NXF3: variants seen among roughly 807,000 people sequenced by gnomAD.
NXF3 encodes TAP-like protein 3.
In NXF3, 34 loss-of-function variants were observed where a neutral mutation model predicts 48.4. The observed-to-expected ratio is 0.70, with a 90% CI of 0.53 to 0.93. The LOEUF (loss-of-function observed/expected upper bound fraction) is 0.93. Ranked by LOEUF, NXF3 falls within the 40% of genes least tolerant of loss-of-function variation. NXF3 has a pLI of 0.00. For missense variants in NXF3, 359 were observed against 406.1 expected (o/e 0.88, Z 1.00); for synonymous variants, 132 against 145.7 (o/e 0.91, Z 0.68).
At chrX:103,088,226 C>T (rs1922199933) in intron 1 of NXF3, 3 of 748,361 alleles carry the variant, frequency 4.0e-6, no homozygotes, top group Admixed American at 3.0e-5. Flanking sequence ...CTTAAACGTG[C>T]TAGGAGTAAA....
chrX:103,079,047 T>C (rs770148018), intron 16 of NXF3, among the ~76,000 whole-genome samples, 174 bp downstream of exon 16: 1 of 111,776 alleles, frequency 8.9e-6, no homozygotes, highest in South Asian at 3.8e-4. Flanking sequence ...CAGACAGGCA[T>C]GGGCCTAGGT....
intron 1 of NXF3, chrX:103,088,536 C>CT: frequency 9.1e-7 from 1 of 1,101,172 alleles, no homozygotes; most frequent in Non-Finnish European, 1.2e-6. Flanking sequence ...ATCTGTGGCT[C>CT]ATCAGGTGAG....
intron 1 of NXF3, chrX:103,089,135 A>C (rs12557039): frequency 1.2e-6 from 1 of 820,489 alleles, no homozygotes; most frequent in East Asian, 3.1e-5. Context: ...AAAAACACTA[A>C]CTAATTCATG....
At position 103,083,475 on chromosome X, in the gene NXF3, A is replaced by C. The variant is rs1185409338; in HGVS notation, c.463T>G (p.Phe155Val). The change falls in exon 5 of 20, where the codon TTC (phenylalanine) becomes GTC (valine). Residue 155 changes from phenylalanine to valine, a missense_variant. By Grantham distance (50) the Phe-to-Val change is conservative. Coordinates refer to ENST00000395065, the MANE Select transcript of NXF3 (RefSeq NM_022052.2). Reference protein sequence around the residue: ...EFHYENMHASFFVENASIAYA... With the variant: ...EFHYENMHASVFVENASIAYA... ...GCGATGCTGGCATTCTCCACAAAGA[A>C]GCTGGCATGCATGTTTTCATAGTGA... The C allele has an allele frequency of 1.7e-6, 2 of 1,210,436 alleles. No individual in the cohort carries two copies. The highest frequency in any genetic ancestry group is 2.2e-6 in the Non-Finnish European group (2 of 894,085).
chrX:103,076,399 CTG>C (rs1241849612), intron 18 of NXF3, 98 bp from the exon 19 acceptor site: 1 of 920,095 alleles, frequency 1.1e-6, no homozygotes, highest in Non-Finnish European at 1.6e-6. Flanking sequence ...AGAAACATGT[CTG>C]TGTTTTCTGG....
chrX:103,087,470 A>G (rs1922182150), intron 1 of NXF3: 1 of 1,047,987 alleles, frequency 9.5e-7, no homozygotes, highest in East Asian at 3.0e-5. Flanking sequence ...CACTTAAAAA[A>G]TCTGAAGACA....
chrX:103,078,748 AGTT>A, intron 16 of NXF3, 116 bp from the exon 17 acceptor site: 1 of 1,099,294 alleles, frequency 9.1e-7, no homozygotes, highest in Non-Finnish European at 1.3e-6. Context: ...AGACCAGGAC[AGTT>A]GTTCACTTGG....
At position 103,083,054 on chromosome X, in the gene NXF3, C is replaced by T. The variant is rs1362965666; in HGVS notation, c.641G>A (p.Cys214Tyr). 2.5e-6 allele frequency: 3 copies of T among 1,211,400 alleles called. No individual in the cohort carries two copies. The highest frequency in any genetic ancestry group is 3.4e-6 in the Non-Finnish European group (3 of 895,236). Reference protein sequence around the residue: ...EQIKLAMNQQCDVSQEALDIQ... With the variant: ...EQIKLAMNQQYDVSQEALDIQ... Reference sequence around the variant, plus strand: ...ATCAAGAGCTTCCTGGGAGACATCACACTGTTGGTTCATGGCCAGCTGCAG... The same window carrying T: ...ATCAAGAGCTTCCTGGGAGACATCATACTGTTGGTTCATGGCCAGCTGCAG... The change falls in exon 7 of 20, where the codon TGT becomes TAT. Residue 214 changes from cysteine (C) to tyrosine (Y), a missense_variant. Transcript: ENST00000395065.
intron 1 of NXF3, among the ~76,000 whole-genome samples, chrX:103,091,412 TA>T (rs779347718): frequency 6.2e-5 from 7 of 112,077 alleles, no homozygotes; most frequent in African/African-American, 9.7e-5. Flanking sequence ...ATAATACAAA[TA>T]AAAAATACAA....
chrX:103,080,718 C>T (rs41300165), intron 9 of NXF3, 106 bp from the exon 10 acceptor site: 12,298 of 770,884 alleles, frequency 0.016, 99 homozygotes, highest in Non-Finnish European at 0.021. Context: ...AGTGTGTCCA[C>T]CTACACTCCG....
chrX:103,079,170 A>G, intron 16 of NXF3, 51 bp downstream of exon 16: 2 of 1,129,877 alleles, frequency 1.8e-6, no homozygotes, highest in Non-Finnish European at 2.4e-6. Context: ...GAGCCCAGCC[A>G]GGGGGAGGGA....
intron 1 of NXF3, chrX:103,088,260 GA>G: frequency 1.6e-6 from 1 of 619,300 alleles, no homozygotes. Context: ...TTTGATCCTA[GA>G]AAAAAGTATT....
chrX:103,078,462 T>G (rs755551077), intron 17 of NXF3, 98 bp downstream of exon 17: 22 of 1,158,429 alleles, frequency 1.9e-5, no homozygotes, highest in Non-Finnish European at 2.5e-5. Context: ...TGTCGGTTTT[T>G]TACAACATTG....
chrX:103,087,761 T>A, intron 1 of NXF3: 1 of 938,441 alleles, frequency 1.1e-6, no homozygotes, highest in Non-Finnish European at 1.5e-6. Flanking sequence ...GCCTTTTAAA[T>A]GTCTCTCGTG....
chrX:103,086,405 T>C (rs1602890592), intron 1 of NXF3, among the ~76,000 whole-genome samples: 2 of 110,772 alleles, frequency 1.8e-5, no homozygotes, highest in East Asian at 2.8e-4. Context: ...TTACACTGGA[T>C]TGTGATAGGG....
At chrX:103,089,124 G>GA in intron 1 of NXF3, 1 of 851,201 alleles carries the variant, frequency 1.2e-6, no homozygotes, top group Non-Finnish European at 1.8e-6. Flanking sequence ...ATCTATACTG[G>GA]AAAAACACTA....
At position 103,084,679 on chromosome X, in the gene NXF3, G is replaced by A. The variant is rs1222615257; in HGVS notation, c.197+36C>T. ...TACAGAGTTATGTATTTCACTGGCT[G>A]GTACATTCCAGCCATGCTGACTACT... On this transcript the variant is annotated intron_variant, in intron 2 of 19. Coordinates refer to ENST00000395065, the MANE Select transcript of NXF3 (RefSeq NM_022052.2). The A allele has an allele frequency of 5.0e-6, 6 of 1,192,432 alleles. No individual in the cohort carries two copies. The South Asian group carries it at 9.0e-5, about 18-fold the overall frequency.
At position 103,080,081 on chromosome X, in the gene NXF3, G is replaced by A. The variant is rs765768650; in HGVS notation, c.997-13C>T. On this transcript the variant is annotated splice_polypyrimidine_tract_variant and intron_variant, in intron 11 of 19. Transcript: ENST00000395065. ...CAAAGAAGCTTCCCTGGAATAAAGAGTCCCCAGGACCACAGATGGTACCCC... is the reference window on the plus strand; with the variant it reads ...CAAAGAAGCTTCCCTGGAATAAAGAATCCCCAGGACCACAGATGGTACCCC... 5.8e-6 allele frequency: 7 copies of A among 1,208,338 alleles called. No homozygotes were observed. Among genetic ancestry groups the A allele is most frequent in the Non-Finnish European group, 7.8e-6 (7 of 894,258 alleles).
chrX:103,092,889 A>C, intron 1 of NXF3, 107 bp downstream of exon 1: 1 of 810,655 alleles, frequency 1.2e-6, no homozygotes, highest in Non-Finnish European at 1.8e-6. Flanking sequence ...CCCCATCTAA[A>C]GGGAGATTGG....
Sources: allele counts gnomAD v4.1 joint callset (sites outside exome capture counted in the v4.1 genomes callset), GRCh38; gene constraint gnomAD v4.1.1; transcripts MANE v1.5; gene names NCBI Gene and HGNC (gene_info 2026-07-23, HGNC 2026-07-21).